The following TREH variants were observed in gnomAD, a reference collection of about 807,000 sequenced individuals.
TREH encodes the protein trehalase, also known as alpha,alpha-trehalose glucohydrolase.
In TREH, 69 loss-of-function variants were observed where a neutral mutation model predicts 80.5. The ratio of observed to expected loss-of-function variants is 0.86; its 90% CI spans 0.71 to 1.05. The LOEUF is 1.05. Among genes scored for constraint, TREH ranks in the 50% least tolerant of loss-of-function variants. The probability of loss-of-function intolerance (pLI) is 0.00; values close to 1 mark genes in which losing one functional copy is unlikely to be tolerated. For synonymous variants in TREH, 309 were observed against 293.5 expected (o/e 1.05, Z -0.54); for missense variants, 716 against 718.8 (o/e 1.00, Z 0.04).
At chr11:118,660,488 C>A in intron 10 of TREH, 51 bp downstream of exon 10, 1 of 1,515,776 alleles carries the variant, frequency 6.6e-7, no homozygotes, top group Middle Eastern at 1.7e-4. Context: ...ATTGCCAAGC[C>A]TGAGCAGGAA....
chr11:118,664,986 G>A (rs1281263793), intron 1 of TREH, among the ~76,000 whole-genome samples: 1 of 152,132 alleles, frequency 6.6e-6, no homozygotes, highest in Non-Finnish European at 1.5e-5. Flanking sequence ...GCACGTGCCT[G>A]TGATCCCAGC....
At chr11:118,662,997 A>G (rs1192430660) in intron 3 of TREH, 29 bp from the exon 4 acceptor site, 2 of 1,611,104 alleles carry the variant, frequency 1.2e-6, no homozygotes, top group African/African-American at 1.3e-5. Flanking sequence ...CACAGGGTTC[A>G]AGGAGGCAGC....
intron 1 of TREH, among the ~76,000 whole-genome samples, chr11:118,671,037 A>G (rs1004005782): frequency 3.3e-5 from 5 of 152,192 alleles, no homozygotes; most frequent in Admixed American, 2.6e-4. Flanking sequence ...GATTGTAGGT[A>G]GAAACACTTG....
At chr11:118,670,778 G>A (rs1949423378) in intron 1 of TREH, among the ~76,000 whole-genome samples, 1 of 152,314 alleles carries the variant, frequency 6.6e-6, no homozygotes, top group African/African-American at 2.4e-5. Flanking sequence ...TCCAGAGCAG[G>A]AGTGGTCTTG....
rs1317101719 is a variant in TREH, at chr11:118,661,078, C to T, written c.857+82G>A. The T allele has an allele frequency of 3.1e-6, 5 of 1,598,048 alleles. No individual in the cohort carries two copies. The highest frequency in any genetic ancestry group is 4.3e-6 in the Non-Finnish European group (5 of 1,170,698). On this transcript the variant is annotated intron_variant, in intron 8 of 14. Transcript: ENST00000264029. The surrounding 1 kb of genome is among the most constrained non-coding windows in gnomAD (Gnocchi z 4.2). ...ATCTGAGAGGCCAGGCTAAGTCACT[C>T]CTCCTCCTGCCCGGGGCATTGTGAT...
At chr11:118,677,805 A>AC (rs1949494180) in intron 1 of TREH, among the ~76,000 whole-genome samples, 3 of 152,242 alleles carry the variant, frequency 2.0e-5, no homozygotes, top group Non-Finnish European at 4.4e-5. Flanking sequence ...GGTTGGTCTT[A>AC]GGGAACACCA....
In TREH at chr11:118,677,072, C is replaced by T. The variant is rs565608838; in HGVS notation, c.89+2467G>A. ...TGCTGCCTGATAAGTCTTTGTTTTTCTGGGGCCTTGGGCCATGCCAGATAT... is the reference window on the plus strand; with the variant it reads ...TGCTGCCTGATAAGTCTTTGTTTTTTTGGGGCCTTGGGCCATGCCAGATAT... On this transcript the variant is annotated intron_variant, in intron 1 of 14. Transcript: ENST00000264029. 3.3e-5 allele frequency among the ~76,000 whole-genome samples: 5 copies of T among 152,332 alleles called. No homozygotes were observed. The East Asian group carries it at 9.6e-4, about 29-fold the overall frequency.
At chr11:118,668,150 C>T (rs2137275949) in intron 1 of TREH, among the ~76,000 whole-genome samples, 1 of 152,262 alleles carries the variant, frequency 6.6e-6, no homozygotes, top group East Asian at 1.9e-4. Flanking sequence ...CAGGCGTGAG[C>T]CACCGCACCC....
chr11:118,662,095 G>C, intron 4 of TREH, 105 bp from the exon 5 acceptor site: 1 of 898,012 alleles, frequency 1.1e-6, no homozygotes. Context: ...TTTGGAGCCA[G>C]GCAGTTGGGT....
chr11:118,677,891 GTCC>G (rs1949495050), intron 1 of TREH, among the ~76,000 whole-genome samples: 1 of 152,200 alleles, frequency 6.6e-6, no homozygotes. Flanking sequence ...CCTCTCTGAA[GTCC>G]TCATTACAAT....
At position 118,659,402 on chromosome 11, in the gene TREH, G is replaced by T. The variant is rs782349165; in HGVS notation, c.1400C>A (p.Ala467Asp). 1 of 1,602,024 alleles carries T rather than the reference G, an allele frequency of 6.2e-7. No individual in the cohort carries two copies. The highest frequency in any genetic ancestry group is 1.3e-5 in the African/African-American group (1 of 74,694). ...GACCAGGTCCTGCAGGGGGGCCCAGGCATTGGGGAAATCCCACTGCTGGCC... is the reference window on the plus strand; with the variant it reads ...GACCAGGTCCTGCAGGGGGGCCCAGTCATTGGGGAAATCCCACTGCTGGCC... ...KTGQQWDFPNAWAPLQDLVIR... is the reference protein window; with the variant it reads ...KTGQQWDFPNDWAPLQDLVIR... The change falls in exon 12 of 15, where the codon GCC becomes GAC. Residue 467 changes from alanine to aspartate, a missense_variant. By Grantham distance (126) the Ala-to-Asp change is moderately radical (BLOSUM62 -2). Coordinates refer to ENST00000264029, the MANE Select transcript of TREH (RefSeq NM_007180.3).
chr11:118,660,758 G>A (rs1949311913), intron 9 of TREH, 25 bp from the exon 10 acceptor site: 1 of 1,555,248 alleles, frequency 6.4e-7, no homozygotes, highest in African/African-American at 1.4e-5. Flanking sequence ...CAGGGAACCA[G>A]CCAGTCCCGG....
Position 118,662,890 on chromosome 11 carries a change from C to A in TREH, c.414G>T (p.Leu138=). The A allele has an allele frequency of 6.3e-7, 1 of 1,588,742 alleles. No homozygotes were observed. The highest frequency in any genetic ancestry group is 2.3e-5 in the East Asian group (1 of 43,596). ...CCCAGGACGCTGATACCTTCTTCCC[C>A]AGCTTCTTCCAGAGCTGATGCAGCT... ...AGQLHQLWKK[L]GKKMKPEVLS... The change falls in exon 4 of 15, where the codon CTG becomes CTT. Residue 138 remains leucine, a synonymous_variant. Coordinates refer to ENST00000264029, the MANE Select transcript of TREH (RefSeq NM_007180.3).
intron 10 of TREH, 55 bp from the exon 11 acceptor site, chr11:118,660,019 G>C: frequency 1.3e-6 from 2 of 1,505,952 alleles, no homozygotes; most frequent in Non-Finnish European, 1.8e-6. Flanking sequence ...GCTGCCCCAG[G>C]CTTTTTTCGT....
intron 10 of TREH, among the ~76,000 whole-genome samples, 190 bp downstream of exon 10, chr11:118,660,349 G>A (rs913467960): frequency 1.3e-5 from 2 of 152,224 alleles, no homozygotes; most frequent in Non-Finnish European, 2.9e-5. Context: ...GGGAGGAAGA[G>A]AGGATTAGGG....
chr11:118,658,186 A>G lies in TREH; in HGVS notation c.*103T>C. 6.9e-7 allele frequency: 1 copy of G among 1,450,910 alleles called. No homozygotes were observed. The highest frequency in any genetic ancestry group is 9.3e-7 in the Non-Finnish European group (1 of 1,079,520). The allele number at this position is 1,450,910 out of a possible 1,614,324, so 89.9% of individuals were successfully genotyped here. ...CCCTGCCCTCCACTTCGCTCTGAGGACAGGCTGGGAGGTAGGAGGGCATGA... is the reference window on the plus strand; with the variant it reads ...CCCTGCCCTCCACTTCGCTCTGAGGGCAGGCTGGGAGGTAGGAGGGCATGA... On this transcript the variant is annotated 3_prime_UTR_variant, in exon 15 of 15. Coordinates refer to ENST00000264029, the MANE Select transcript of TREH (RefSeq NM_007180.3).
chr11:118,676,079 A>G (rs370831963), intron 1 of TREH, among the ~76,000 whole-genome samples: 2 of 152,210 alleles, frequency 1.3e-5, no homozygotes, highest in East Asian at 1.9e-4. Context: ...ATCATTGATC[A>G]TGTAATTGAA....
At chr11:118,662,111 G>C in intron 4 of TREH, 121 bp from the exon 5 acceptor site, 1 of 750,442 alleles carries the variant, frequency 1.3e-6, no homozygotes. Flanking sequence ...TGGGTTCAGC[G>C]CTGGCTCCAC....
At chr11:118,665,833 T>C (rs1017016103) in intron 1 of TREH, among the ~76,000 whole-genome samples, 1 of 152,126 alleles carries the variant, frequency 6.6e-6, no homozygotes, top group Non-Finnish European at 1.5e-5. Context: ...CTTATATGCA[T>C]GGGAGCAGAC....
Sources: gnomAD v4.1 joint callset for allele counts (sites outside exome capture counted in the v4.1 genomes callset) on GRCh38, gnomAD v4.1.1 for gene constraint, Gnocchi (gnomAD v3.1) non-coding constraint, MANE v1.5 for transcripts, NCBI Gene and HGNC (gene_info 2026-07-23, HGNC 2026-07-21) for gene names.